The following GAK variants were observed in gnomAD, a reference collection of about 807,000 sequenced individuals.
GAK encodes cyclin-G-associated kinase.
A neutral mutation model predicts 143.9 loss-of-function variants in GAK; 79 were observed. That is an observed-to-expected ratio of 0.55 (90% CI 0.46 to 0.66). GAK has a LOEUF of 0.66. GAK is among the 30% of genes least tolerant of loss of function. The pLI is 0.00. For synonymous variants in GAK, 881 were observed against 765.5 expected (o/e 1.15, Z -2.49); for missense variants, 1,693 against 1,779.7 (o/e 0.95, Z 0.88).
intron 18 of GAK, among the ~76,000 whole-genome samples, chr4:874,794 C>G (rs891482556): frequency 2.0e-5 from 3 of 152,134 alleles, no homozygotes; most frequent in African/African-American, 7.2e-5. Context: ...TCCACTCTCT[C>G]TCTTCTCCTA....
At chr4:926,066 C>T (rs1475205764) in intron 1 of GAK, among the ~76,000 whole-genome samples, 1 of 151,970 alleles carries the variant, frequency 6.6e-6, no homozygotes, top group Non-Finnish European at 1.5e-5. Context: ...AGGGGGTCCT[C>T]CCCCGACAGT....
At chr4:899,046 C>T (rs1015587096) in intron 5 of GAK, among the ~76,000 whole-genome samples, 7 of 152,240 alleles carry the variant, frequency 4.6e-5, no homozygotes, top group South Asian at 2.1e-4. Flanking sequence ...AAGGCAGCAA[C>T]GCAGTGACTC....
chr4:926,473 A>T (rs1023871326), intron 1 of GAK, among the ~76,000 whole-genome samples: 29 of 152,174 alleles, frequency 1.9e-4, no homozygotes, highest in Non-Finnish European at 4.3e-4. Context: ...GCAAGCAACT[A>T]ATCTCTGCAA....
At chr4:915,225 C>G (rs1351177956) in intron 1 of GAK, among the ~76,000 whole-genome samples, 1 of 151,410 alleles carries the variant, frequency 6.6e-6, no homozygotes, top group Non-Finnish European at 1.5e-5. Flanking sequence ...GCGTACATGG[C>G]CCCCCGCACT....
intron 23 of GAK, among the ~76,000 whole-genome samples, 167 bp downstream of exon 23, chr4:864,955 G>A (rs1196382290): frequency 6.6e-6 from 1 of 152,252 alleles, no homozygotes; most frequent in East Asian, 1.9e-4. Flanking sequence ...TGAGGCCGCT[G>A]CAGTCATACC....
intron 23 of GAK, among the ~76,000 whole-genome samples, chr4:863,229 G>A (rs1324355677): frequency 6.6e-6 from 1 of 152,212 alleles, no homozygotes; most frequent in African/African-American, 2.4e-5. Flanking sequence ...AAGAGAACTC[G>A]AATTAGAAGT....
intron 18 of GAK, among the ~76,000 whole-genome samples, chr4:875,498 C>T (rs1577116460): frequency 6.6e-6 from 1 of 152,262 alleles, no homozygotes; most frequent in Non-Finnish European, 1.5e-5. Flanking sequence ...CCAGCATCCC[C>T]GTGGGGCTGG....
chr4:898,422 A>C (rs987440133), intron 5 of GAK, among the ~76,000 whole-genome samples: 2 of 152,248 alleles, frequency 1.3e-5, no homozygotes, highest in African/African-American at 4.8e-5. Flanking sequence ...CGAGGGGCTG[A>C]GGGATTTCAC....
intron 6 of GAK, among the ~76,000 whole-genome samples, chr4:897,445 C>T (rs1251611904): frequency 3.3e-5 from 5 of 152,280 alleles, no homozygotes; most frequent in Non-Finnish European, 4.4e-5. Flanking sequence ...GTGCAGAGAG[C>T]GCAAGTTAAC....
intron 1 of GAK, among the ~76,000 whole-genome samples, chr4:928,832 T>C (rs889698789): frequency 2.0e-5 from 3 of 152,254 alleles, no homozygotes. Context: ...GGCGTGATCT[T>C]GGCTCACCGC....
intron 19 of GAK, chr4:869,785 G>GTACA (rs1712106703): frequency 8.2e-6 from 1 of 121,520 alleles, no homozygotes; most frequent in African/African-American, 3.2e-5. Context: ...TGCACACACA[G>GTACA]CAGAGATGCA....
intron 23 of GAK, among the ~76,000 whole-genome samples, chr4:861,502 G>A (rs184055132): frequency 2.0e-5 from 3 of 152,188 alleles, no homozygotes; most frequent in African/African-American, 7.2e-5. Context: ...GAGGTGGGAG[G>A]ATCCCTTGAG....
At chr4:896,581 T>G (rs749439415) in intron 6 of GAK, 32 bp from the exon 7 acceptor site, 15 of 1,526,860 alleles carry the variant, frequency 9.8e-6, no homozygotes, top group Middle Eastern at 3.4e-4. Flanking sequence ...AAAGGAAAAG[T>G]TGCATCCCAC....
At chr4:878,501 G>A (rs1714445847) in intron 15 of GAK, among the ~76,000 whole-genome samples, 1 of 152,180 alleles carries the variant, frequency 6.6e-6, no homozygotes, top group Non-Finnish European at 1.5e-5. Flanking sequence ...AAATAAATGT[G>A]TGTTTTTCTA....
chr4:857,249 A>C (rs904159827), intron 24 of GAK, among the ~76,000 whole-genome samples: 1 of 152,130 alleles, frequency 6.6e-6, no homozygotes, highest in Non-Finnish European at 1.5e-5. Context: ...CTGTGTGTAT[A>C]TTCATGGGGA....
At chr4:856,544 C>T (rs1413877386) in intron 24 of GAK, among the ~76,000 whole-genome samples, 1 of 146,836 alleles carries the variant, frequency 6.8e-6, no homozygotes, top group South Asian at 2.3e-4. Flanking sequence ...CAGCTGCTCA[C>T]ACCTGCTCAC....
intron 27 of GAK, 59 bp from the exon 28 acceptor site, chr4:849,833 G>GCCCCCCCCCCCCC: frequency 8.4e-7 from 1 of 1,190,152 alleles, no homozygotes; most frequent in Non-Finnish European, 1.2e-6. Context: ...GGCGGGGCAG[G>GCCCCCCCCCCCCC]ACCCCCCCCC....
chr4:867,150 C>T lies in GAK; in HGVS notation c.2678G>A (p.Gly893Glu), dbSNP rs1171669967. 1.3e-6 allele frequency: 2 copies of T among 1,595,890 alleles called. No individual in the cohort carries two copies. The highest frequency in any genetic ancestry group is 1.7e-6 in the Non-Finnish European group (2 of 1,168,598). The change falls in exon 21 of 28, where the codon GGG becomes GAG. Residue 893 changes from glycine to glutamate, a missense_variant. By Grantham distance (98) the Gly-to-Glu change is moderately conservative (BLOSUM62 -2). This residue lies in a region of GAK where 822 missense variants were observed against 788.7 expected (regional missense o/e 1.04). Transcript: ENST00000314167. ...LLGLHSEVGA[G>E]PAVPPQACKA... ...GCAGGCCTGCGGGGGTACAGCTGGC[C>T]CTGCGCCCACCTCGGAGTGCAGGCC... is the stretch of plus-strand genomic sequence containing the variant.
In GAK at chr4:888,844, C is replaced by T. The variant is rs1560367571; in HGVS notation, c.1205+3G>A. On this transcript the variant is annotated splice_donor_region_variant and intron_variant, in intron 11 of 27. Transcript: ENST00000314167. ...GTCCAGGGCTCTGGAGCCTCACACT[C>T]ACTTAGCGACGGACTGGATGACCTT... The T allele has an allele frequency of 1.9e-6, 3 of 1,601,278 alleles. No homozygotes were observed. The highest frequency in any genetic ancestry group is 2.3e-5 in the East Asian group (1 of 44,366).
Sources: gnomAD v4.1 joint callset for allele counts (sites outside exome capture counted in the v4.1 genomes callset) on GRCh38, gnomAD v4.1.1 for gene constraint, gnomAD v4.1.1 regional missense constraint, MANE v1.5 for transcripts, NCBI Gene and HGNC (gene_info 2026-07-23, HGNC 2026-07-21) for gene names.